LRP1B: variants seen among roughly 807,000 people sequenced by gnomAD.
LRP1B encodes the protein LDL receptor related protein 1B.
Under a neutral mutation model 556.6 loss-of-function variants are expected in LRP1B, and 217 were observed. The ratio of observed to expected loss-of-function variants is 0.39; its 90% CI spans 0.35 to 0.44. LRP1B has a LOEUF of 0.44. LRP1B is among the 20% of genes least tolerant of loss of function. LRP1B has a pLI of 1.00. For synonymous variants in LRP1B, 2,047 were observed against 1,865.8 expected, an observed-to-expected ratio of 1.10 and a Z score of -2.50; for missense variants, 5,053 against 5,620.8, an observed-to-expected ratio of 0.90 and a Z score of 3.23.
At position 140,914,684 on chromosome 2, in the gene LRP1B, A is replaced by G. The variant is rs561051028; in HGVS notation, c.3320-6607T>C. ...ACGTGCTCAACAATTATATTTTAAA[A>G]TTAAATATGAGGGACAGGTAGAGGA... On this transcript the variant is annotated intron_variant, in intron 21 of 90. Coordinates refer to ENST00000389484, the MANE Select transcript of LRP1B (RefSeq NM_018557.3). 2.6e-5 allele frequency among the ~76,000 whole-genome samples: 4 copies of G among 152,278 alleles called. No individual in the cohort carries two copies. In the South Asian group the frequency reaches 8.3e-4, roughly 32 times the overall value.
At chr2:141,839,998 TGCCCTCTA>T (rs1387105895) in intron 1 of LRP1B, among the ~76,000 whole-genome samples, 2 of 152,218 alleles carry the variant, frequency 1.3e-5, no homozygotes, top group Non-Finnish European at 2.9e-5. Context: ...GAGTTTTTAA[TGCCCTCTA>T]GCAAGAACTC....
At chr2:141,390,280 T>C (rs2104903974) in intron 3 of LRP1B, among the ~76,000 whole-genome samples, 1 of 152,210 alleles carries the variant, frequency 6.6e-6, no homozygotes, top group African/African-American at 2.4e-5. Flanking sequence ...TATATTAATA[T>C]TTTTAATAAA....
intron 35 of LRP1B, among the ~76,000 whole-genome samples, chr2:140,749,838 A>G (rs1309835536): frequency 6.6e-6 from 1 of 152,212 alleles, no homozygotes; most frequent in Non-Finnish European, 1.5e-5. Context: ...AGTATTATAT[A>G]CTGTACATAA....
At chr2:141,153,566 TATATAATA>T (rs1203550541) in intron 7 of LRP1B, among the ~76,000 whole-genome samples, 7 of 133,304 alleles carry the variant, frequency 5.3e-5, no homozygotes, top group South Asian at 2.1e-4. Flanking sequence ...TATATATTTA[TATATAATA>T]ATATATTATA....
At position 141,793,050 on chromosome 2, in the gene LRP1B, C is replaced by T. The variant is rs552602753; in HGVS notation, c.205+17229G>A. ...AAAGGATAAATTACATTTTGGTTGA[C>T]TCCTCTGCTTGTTACAGCAAGTTAT... is the stretch of plus-strand genomic sequence containing the variant. On this transcript the variant is annotated intron_variant, in intron 2 of 90. Transcript: ENST00000389484. Among the ~76,000 whole-genome samples the T allele has an allele frequency of 2.0e-5, 3 of 151,998 alleles. No individual in the cohort carries two copies. The East Asian group carries it at 5.8e-4, about 30-fold the overall frequency.
At chr2:141,925,725 G>C (rs769301664) in intron 1 of LRP1B, among the ~76,000 whole-genome samples, 65 of 152,152 alleles carry the variant, frequency 4.3e-4, no homozygotes, top group Non-Finnish European at 7.9e-4. Context: ...AACTCATGCT[G>C]CTAATATAGA....
intron 1 of LRP1B, among the ~76,000 whole-genome samples, chr2:142,107,802 T>TA (rs1393618089): frequency 6.9e-6 from 1 of 145,554 alleles, no homozygotes; most frequent in African/African-American, 2.5e-5. Flanking sequence ...TAATTTTTTT[T>TA]TTTTTTTTTT....
At chr2:140,423,309 A>G (rs1436373659) in intron 66 of LRP1B, among the ~76,000 whole-genome samples, 1 of 152,196 alleles carries the variant, frequency 6.6e-6, no homozygotes, top group Non-Finnish European at 1.5e-5. Context: ...CCCACAAAAA[A>G]TCTGGACAAT....
At chr2:140,326,245 T>A (rs1189553699) in intron 79 of LRP1B, among the ~76,000 whole-genome samples, 1 of 152,194 alleles carries the variant, frequency 6.6e-6, no homozygotes, top group African/African-American at 2.4e-5. Context: ...AATGAATTCA[T>A]TATTTAAATC....
chr2:142,050,520 A>G (rs1704417959), intron 1 of LRP1B, among the ~76,000 whole-genome samples: 1 of 152,168 alleles, frequency 6.6e-6, no homozygotes, highest in African/African-American at 2.4e-5. Flanking sequence ...AAGACATCAC[A>G]TATCCTACAA....
chr2:142,072,821 T>C (rs1213294157), intron 1 of LRP1B, among the ~76,000 whole-genome samples: 1 of 151,994 alleles, frequency 6.6e-6, no homozygotes, highest in Admixed American at 6.6e-5. Flanking sequence ...AATGAATATG[T>C]ATTGAATATA....
intron 32 of LRP1B, among the ~76,000 whole-genome samples, chr2:140,799,034 T>C (rs1266823001): frequency 6.6e-6 from 1 of 152,154 alleles, no homozygotes; most frequent in Non-Finnish European, 1.5e-5. Context: ...GGTTAAAAAA[T>C]ATATAATTAA....
At chr2:140,925,014 A>G (rs1282107551) in intron 20 of LRP1B, among the ~76,000 whole-genome samples, 1 of 152,148 alleles carries the variant, frequency 6.6e-6, no homozygotes, top group Non-Finnish European at 1.5e-5. Flanking sequence ...AATAAAAAGA[A>G]AAATCAGTCA....
chr2:141,967,956 T>TA (rs952558147), intron 1 of LRP1B, among the ~76,000 whole-genome samples: 4 of 151,786 alleles, frequency 2.6e-5, no homozygotes, highest in Non-Finnish European at 5.9e-5. Flanking sequence ...CTTAAATTTT[T>TA]AAAAAAAGTA....
intron 3 of LRP1B, among the ~76,000 whole-genome samples, chr2:141,326,764 G>C (rs1042544318): frequency 6.6e-6 from 1 of 152,222 alleles, no homozygotes; most frequent in South Asian, 2.1e-4. Flanking sequence ...GTAGTGCCAA[G>C]TTTGTGAATC....
At position 141,086,926 on chromosome 2, in the gene LRP1B, C is replaced by T. The variant is rs1574059955; in HGVS notation, c.1014-24653G>A. Among the ~76,000 whole-genome samples, 3 of 152,202 alleles carry T rather than the reference C, an allele frequency of 2.0e-5. No individual in the cohort carries two copies. In the East Asian group the frequency reaches 5.8e-4, roughly 29 times the overall value. On this transcript the variant is annotated intron_variant, in intron 7 of 90. Coordinates refer to ENST00000389484, the MANE Select transcript of LRP1B (RefSeq NM_018557.3). Reference sequence around the variant, plus strand: ...AATGGTTCCATTGCTGCCAACAATACATAATACTTGTGGAAATGAGAAGGA... The same window carrying T: ...AATGGTTCCATTGCTGCCAACAATATATAATACTTGTGGAAATGAGAAGGA...
At chr2:141,089,280 T>G (rs1700120758) in intron 7 of LRP1B, among the ~76,000 whole-genome samples, 1 of 152,228 alleles carries the variant, frequency 6.6e-6, no homozygotes, top group Admixed American at 6.5e-5. Context: ...GTGCATGAGT[T>G]CACCTCATTT....
rs575128661 is a variant in LRP1B, at chr2:142,071,791, A to G, written c.82+58857T>C. Among the ~76,000 whole-genome samples, 15 of 152,050 alleles carry G rather than the reference A, an allele frequency of 9.9e-5. No individual in the cohort carries two copies. In the South Asian group the frequency reaches 2.9e-3, roughly 29 times the overall value. ...GAGAATAACCACTTCCACCAGGGCT[A>G]TGATCACTGGGTACATAGCTGCTCC... On this transcript the variant is annotated intron_variant, in intron 1 of 90. Coordinates refer to ENST00000389484, the MANE Select transcript of LRP1B (RefSeq NM_018557.3).
chr2:141,915,821 A>G (rs937315213), intron 1 of LRP1B, among the ~76,000 whole-genome samples: 1 of 149,290 alleles, frequency 6.7e-6, no homozygotes, highest in Non-Finnish European at 1.5e-5. Flanking sequence ...CAACAAACAT[A>G]TAAAAAATGC....
Sources: gnomAD v4.1 joint callset for allele counts (sites outside exome capture counted in the v4.1 genomes callset) on GRCh38, gnomAD v4.1.1 for gene constraint, MANE v1.5 for transcripts, NCBI Gene and HGNC (gene_info 2026-07-23, HGNC 2026-07-21) for gene names.